TACC2: variants seen among roughly 807,000 people sequenced by gnomAD.
TACC2 encodes the protein transforming acidic coiled-coil-containing protein 2.
Under a neutral mutation model 227.3 loss-of-function variants are expected in TACC2, and 137 were observed. The ratio of observed to expected loss-of-function variants is 0.60; its 90% CI spans 0.52 to 0.69. TACC2 has a LOEUF of 0.69. Among genes scored for constraint, TACC2 ranks in the 30% least tolerant of loss-of-function variants. TACC2 has a pLI of 0.00. For missense variants in TACC2, 3,470 were observed against 3,694.4 expected, an observed-to-expected ratio of 0.94 and a Z score of 1.57; for synonymous variants, 1,523 against 1,487.5, an observed-to-expected ratio of 1.02 and a Z score of -0.55.
intron 2 of TACC2, among the ~76,000 whole-genome samples, chr10:122,047,582 G>A (rs996144100): frequency 2.0e-5 from 3 of 152,294 alleles, no homozygotes; most frequent in African/African-American, 4.8e-5. Context: ...CCCGTGGAAG[G>A]GATCAAACAG....
chr10:122,192,941 T>C (rs1350554981), intron 7 of TACC2: 1 of 354,966 alleles, frequency 2.8e-6, no homozygotes, highest in East Asian at 7.5e-5. Flanking sequence ...TCTTCTTTGC[T>C]CCTCAGTTGT....
chr10:122,084,315 G>C lies in TACC2; in HGVS notation c.1815G>C (p.Lys605Asn). ...QGEDSQAFSS[K>N]RDPEVGKDEL... The stretch of plus-strand genomic sequence containing the variant: ...AGGACTCTCAGGCTTTCAGCAGCAA[G>C]CGTGATCCAGAAGTAGGCAAAGATG... Residue 605 changes from lysine to asparagine, a missense_variant, in exon 4 of 23, where the codon AAG (lysine) becomes AAC (asparagine). By Grantham distance (94) the Lys-to-Asn change is moderately conservative. Coordinates refer to ENST00000369005, the MANE Select transcript of TACC2 (RefSeq NM_206862.4). 1.9e-6 allele frequency: 3 copies of C among 1,613,942 alleles called. No homozygotes were observed. Among genetic ancestry groups the C allele is most frequent in the Non-Finnish European group, 2.5e-6 (3 of 1,180,040 alleles).
At chr10:122,175,977 AG>A (rs1276965538) in intron 7 of TACC2, among the ~76,000 whole-genome samples, 1 of 151,424 alleles carries the variant, frequency 6.6e-6, no homozygotes, top group African/African-American at 2.4e-5. Flanking sequence ...GTTGCTTGGG[AG>A]GCTGAGGTGG....
intron 2 of TACC2, among the ~76,000 whole-genome samples, chr10:122,040,333 G>T (rs1051840547): frequency 2.0e-5 from 3 of 152,172 alleles, no homozygotes; most frequent in African/African-American, 4.8e-5. Context: ...AAGAGGTGGT[G>T]GTGACGCTGT....
chr10:122,234,061 C>T (rs1379622242), intron 16 of TACC2, among the ~76,000 whole-genome samples: 1 of 152,230 alleles, frequency 6.6e-6, no homozygotes, highest in Non-Finnish European at 1.5e-5. Context: ...TGACTCCTGG[C>T]CTCACCCCTC....
chr10:122,233,947 CCTG>C, intron 16 of TACC2, among the ~76,000 whole-genome samples: 1 of 152,318 alleles, frequency 6.6e-6, no homozygotes, highest in African/African-American at 2.4e-5. Context: ...AGGCCACTCT[CCTG>C]CGCGGGTGGC....
In TACC2 at chr10:122,203,527, G is replaced by A. The variant is rs555718017; in HGVS notation, c.5972-6870G>A. On this transcript the variant is annotated intron_variant, in intron 8 of 22. Coordinates refer to ENST00000369005, the MANE Select transcript of TACC2 (RefSeq NM_206862.4). Reference sequence around the variant, plus strand: ...GGGCTCCTCACTTCTCAGACGGGGCGGCCGGGCAGAGACGCTCCTCACATC... The same window carrying A: ...GGGCTCCTCACTTCTCAGACGGGGCAGCCGGGCAGAGACGCTCCTCACATC... Among the ~76,000 whole-genome samples the A allele has an allele frequency of 1.6e-4, 25 of 151,676 alleles. No individual in the cohort carries two copies. The East Asian group carries it at 4.9e-3, about 30-fold the overall frequency.
At chr10:122,130,811 A>G (rs1284149915) in intron 5 of TACC2, among the ~76,000 whole-genome samples, 1 of 152,176 alleles carries the variant, frequency 6.6e-6, no homozygotes, top group East Asian at 1.9e-4. Flanking sequence ...AGTGCCATCT[A>G]TACGCACTTA....
intron 7 of TACC2, among the ~76,000 whole-genome samples, chr10:122,147,952 A>G (rs1377831104): frequency 1.3e-5 from 2 of 152,194 alleles, no homozygotes; most frequent in South Asian, 2.1e-4. Context: ...CCATGCGGCC[A>G]TGGCCTGGAT....
rs531309653 is a variant in TACC2 at position 122,031,669 on chromosome 10, C to T, written c.33+9655C>T. 3.9e-5 allele frequency among the ~76,000 whole-genome samples: 6 copies of T among 152,110 alleles called. No individual in the cohort carries two copies. In the East Asian group the frequency reaches 1.2e-3, roughly 30 times the overall value. ...CCACCCGCCTTGGCCTCCCAAAGTGCTGGGATTACAGGCGTGAGCCACCAC... is the reference window on the plus strand; with the variant it reads ...CCACCCGCCTTGGCCTCCCAAAGTGTTGGGATTACAGGCGTGAGCCACCAC... On this transcript the variant is annotated intron_variant, in intron 2 of 22. Coordinates refer to ENST00000369005, the MANE Select transcript of TACC2 (RefSeq NM_206862.4).
intron 1 of TACC2, among the ~76,000 whole-genome samples, chr10:121,993,191 C>CTTTGGTATTACAGCAT (rs1163800423): frequency 2.0e-5 from 3 of 152,062 alleles, no homozygotes; most frequent in African/African-American, 7.2e-5. Flanking sequence ...CTGGGAGGTC[C>CTTTGGTATTACAGCAT]TTTGGTATTA....
intron 2 of TACC2, among the ~76,000 whole-genome samples, chr10:122,025,646 T>TC (rs1957902170): frequency 6.6e-6 from 1 of 150,976 alleles, no homozygotes; most frequent in Non-Finnish European, 1.5e-5. Flanking sequence ...CGATCTTGGC[T>TC]CACTGCAACC....
At chr10:122,212,044 G>A (rs1242824157) in intron 9 of TACC2, among the ~76,000 whole-genome samples, 1 of 152,252 alleles carries the variant, frequency 6.6e-6, no homozygotes, top group Non-Finnish European at 1.5e-5. Context: ...AAGGTCCTTA[G>A]AGATCTGGTT....
At chr10:122,100,167 G>A (rs2081972767) in intron 5 of TACC2, among the ~76,000 whole-genome samples, 1 of 151,668 alleles carries the variant, frequency 6.6e-6, no homozygotes, top group Non-Finnish European at 1.5e-5. Flanking sequence ...GGGAGGCTGA[G>A]ACAGGAGAAT....
At chr10:122,235,613 T>C (rs556359672) in intron 16 of TACC2, among the ~76,000 whole-genome samples, 2 of 152,274 alleles carry the variant, frequency 1.3e-5, no homozygotes, top group South Asian at 4.1e-4. Flanking sequence ...CTCTGTGTCA[T>C]TTTTCAGCTA....
chr10:122,200,756 G>T (rs2094781617), intron 8 of TACC2, among the ~76,000 whole-genome samples: 1 of 147,910 alleles, frequency 6.8e-6, no homozygotes, highest in Non-Finnish European at 1.5e-5. Context: ...ACATGGGGAG[G>T]ACGGCCACCT....
At chr10:122,099,703 C>T (rs1325286136) in intron 5 of TACC2, among the ~76,000 whole-genome samples, 1 of 151,850 alleles carries the variant, frequency 6.6e-6, no homozygotes, top group Non-Finnish European at 1.5e-5. Context: ...GGCCACAAAG[C>T]ACAGAGGCTA....
At chr10:122,111,826 T>C (rs925504569) in intron 5 of TACC2, among the ~76,000 whole-genome samples, 1 of 152,256 alleles carries the variant, frequency 6.6e-6, no homozygotes, top group South Asian at 2.1e-4. Context: ...CGACAGCAGA[T>C]GGTATACATT....
chr10:122,116,863 T>G (rs2084793118), intron 5 of TACC2, among the ~76,000 whole-genome samples: 1 of 152,150 alleles, frequency 6.6e-6, no homozygotes, highest in Non-Finnish European at 1.5e-5. Flanking sequence ...GGCTTCCTTT[T>G]TGTTCATCCT....
Sources: gnomAD v4.1 joint callset for allele counts (sites outside exome capture counted in the v4.1 genomes callset) on GRCh38, gnomAD v4.1.1 for gene constraint, MANE v1.5 for transcripts, NCBI Gene and HGNC (gene_info 2026-07-23, HGNC 2026-07-21) for gene names.